P2RY8: variants seen among roughly 807,000 people sequenced by gnomAD.
The protein encoded by P2RY8 is P2Y receptor family member 8.
P2RY8 carries 6 observed loss-of-function variants against 10.0 expected under a neutral mutation model. That is an observed-to-expected ratio of 0.60 (90% CI 0.33 to 1.19). The LOEUF is 1.19. Ranked by LOEUF, P2RY8 falls within the 50% of genes most tolerant of loss-of-function variation. P2RY8 has a pLI of 0.04. For synonymous variants in P2RY8, 276 were observed against 252.5 expected (o/e 1.09, Z -0.88); for missense variants, 456 against 542.0 (o/e 0.84, Z 1.58).
At chrX:1,509,968 TC>T (rs1179467413) in intron 1 of P2RY8, among the ~76,000 whole-genome samples, 3 of 67,002 alleles carry the variant, frequency 4.5e-5, no homozygotes, top group East Asian at 5.4e-4. Context: ...TATCTATGCA[TC>T]CATCCATCCA....
chrX:1,525,975 C>T (rs192210136), intron 1 of P2RY8, among the ~76,000 whole-genome samples: 63 of 151,740 alleles, frequency 4.2e-4, no homozygotes, highest in African/African-American at 8.0e-4. Context: ...ATTCACTCAC[C>T]CATTCATTTA....
At chrX:1,533,399 AT>A (rs1186287467) in intron 1 of P2RY8, among the ~76,000 whole-genome samples, 14 of 145,380 alleles carry the variant, frequency 9.6e-5, no homozygotes, top group African/African-American at 2.2e-4. Flanking sequence ...ATATTTATGT[AT>A]TTTTTATTAT....
chrX:1,477,934 C>T (rs2091893770), intron 1 of P2RY8, among the ~76,000 whole-genome samples: 1 of 152,098 alleles, frequency 6.6e-6, no homozygotes, highest in Non-Finnish European at 1.5e-5. Flanking sequence ...GGTTAGTGAC[C>T]AGCTGTGGAT....
chrX:1,509,751 G>GTATCTATCTGTCTATCTA, intron 1 of P2RY8, among the ~76,000 whole-genome samples: 1 of 78,302 alleles, frequency 1.3e-5, no homozygotes, highest in South Asian at 3.7e-4. Flanking sequence ...GTATCTATCT[G>GTATCTATCTGTCTATCTA]TCTATCTATC....
chrX:1,487,044 C>A (rs1171673432), intron 1 of P2RY8, among the ~76,000 whole-genome samples: 8 of 152,242 alleles, frequency 5.3e-5, no homozygotes, highest in African/African-American at 1.9e-4. Context: ...CAGGTCCCTA[C>A]CGGGGTGTCT....
intron 1 of P2RY8, among the ~76,000 whole-genome samples, chrX:1,499,162 T>TG (rs1569537635): frequency 1.9e-3 from 82 of 42,080 alleles, no homozygotes; most frequent in Non-Finnish European, 1.1e-3. Context: ...CTTTTTCTTT[T>TG]CTTTTTTTTT....
At chrX:1,524,267 CT>C (rs1273282715) in intron 1 of P2RY8, among the ~76,000 whole-genome samples, 1 of 152,078 alleles carries the variant, frequency 6.6e-6, no homozygotes, top group Non-Finnish European at 1.5e-5. Context: ...GCTTACCCCC[CT>C]CTCTTCTGCG....
chrX:1,498,336 G>T lies in P2RY8; in HGVS notation c.-24-31754C>A, dbSNP rs1373210772. On this transcript the variant is annotated intron_variant, in intron 1 of 1. Coordinates refer to ENST00000381297, the MANE Select transcript of P2RY8 (RefSeq NM_178129.5). The stretch of plus-strand genomic sequence containing the variant: ...CAGGAGAATGGCGTGAACCTGGGAG[G>T]CGGAGCTTGCAGTGAGCCGAGATCG... Among the ~76,000 whole-genome samples the T allele has an allele frequency of 8.2e-5, 12 of 147,068 alleles. No individual in the cohort carries two copies. The East Asian group carries it at 2.5e-3, about 31-fold the overall frequency.
At chrX:1,493,732 T>C (rs1316131986) in intron 1 of P2RY8, among the ~76,000 whole-genome samples, 1 of 152,028 alleles carries the variant, frequency 6.6e-6, no homozygotes, top group Non-Finnish European at 1.5e-5. Flanking sequence ...GTACCCCTCG[T>C]CAAAGGAACA....
In P2RY8 at chrX:1,465,497, C is replaced by T. The variant is rs141515286; in HGVS notation, c.1062G>A (p.Arg354=). The T allele has an allele frequency of 1.9e-6, 3 of 1,607,950 alleles. No homozygotes were observed. Among genetic ancestry groups the T allele is most frequent in the Non-Finnish European group, 2.5e-6 (3 of 1,177,310 alleles). ...CCGGGACTCAGAACACACTCTCCTG[C>T]CTCTGGAGGCCGGGCCTGGTGGCTC... ...MEGATRPGLQ[R]QESVF is the part of the protein sequence containing the mutation. Residue 354 remains arginine (R), a synonymous_variant, in exon 2 of 2, where the codon AGG becomes AGA. Transcript: ENST00000381297.
rs1276980364 is a variant in P2RY8 at position 1,527,729 on chromosome X, CCATT to C, written c.-25+9188_-25+9191del. The stretch of plus-strand genomic sequence containing the variant: ...TCTATCCATCCATCCATCCATCCAT[CCATT>C]CATCCATTCATCCACTCTTCATTCA... On this transcript the variant is annotated intron_variant, in intron 1 of 1. Transcript: ENST00000381297. 2.1e-4 allele frequency among the ~76,000 whole-genome samples: 31 copies of C among 150,548 alleles called. No individual in the cohort carries two copies. The East Asian group carries it at 4.1e-3, about 20-fold the overall frequency.
chrX:1,504,518 C>A (rs1273435718), intron 1 of P2RY8, among the ~76,000 whole-genome samples: 8 of 152,070 alleles, frequency 5.3e-5, no homozygotes, highest in Non-Finnish European at 1.0e-4. Context: ...AAGGATCCCA[C>A]GTGCTGGAAA....
At chrX:1,524,486 C>G (rs1221283137) in intron 1 of P2RY8, among the ~76,000 whole-genome samples, 1 of 148,440 alleles carries the variant, frequency 6.7e-6, no homozygotes, top group Admixed American at 6.7e-5. Context: ...TCCACTCATC[C>G]ATCCATACAT....
intron 1 of P2RY8, among the ~76,000 whole-genome samples, chrX:1,508,924 A>G (rs2092261948): frequency 1.0e-5 from 1 of 100,166 alleles, no homozygotes; most frequent in Non-Finnish European, 2.2e-5. Flanking sequence ...CATTCATTGT[A>G]TCTATCATGT....
At chrX:1,513,131 C>T (rs2092312026) in intron 1 of P2RY8, among the ~76,000 whole-genome samples, 1 of 147,046 alleles carries the variant, frequency 6.8e-6, no homozygotes, top group African/African-American at 2.5e-5. Flanking sequence ...ATTTCATTTT[C>T]TGTTCTTGTG....
chrX:1,500,849 T>G (rs1278827534), intron 1 of P2RY8, among the ~76,000 whole-genome samples: 2 of 152,130 alleles, frequency 1.3e-5, no homozygotes, highest in Non-Finnish European at 2.9e-5. Context: ...CATAGGATTT[T>G]GGGTGTGCTA....
intron 1 of P2RY8, among the ~76,000 whole-genome samples, chrX:1,479,317 C>T (rs181317262): frequency 2.0e-5 from 3 of 152,332 alleles, no homozygotes; most frequent in African/African-American, 7.2e-5. Flanking sequence ...TAACCATATG[C>T]CCCACAGTGA....
At chrX:1,474,225 A>G (rs1323705922) in intron 1 of P2RY8, among the ~76,000 whole-genome samples, 11 of 139,640 alleles carry the variant, frequency 7.9e-5, no homozygotes, top group South Asian at 4.8e-4. Context: ...TGGGAGGGTG[A>G]ATAGATGGAT....
chrX:1,487,074 T>G (rs1347718536), intron 1 of P2RY8, among the ~76,000 whole-genome samples: 4 of 152,220 alleles, frequency 2.6e-5, no homozygotes, highest in Non-Finnish European at 5.9e-5. Context: ...TGCGCAAGCC[T>G]TCCCTGTCTG....
Sources: gnomAD v4.1 joint callset for allele counts (sites outside exome capture counted in the v4.1 genomes callset) on GRCh38, gnomAD v4.1.1 for gene constraint, MANE v1.5 for transcripts, NCBI Gene and HGNC (gene_info 2026-07-23, HGNC 2026-07-21) for gene names.